The following CDC42BPA variants were observed in gnomAD, a reference collection of about 807,000 sequenced individuals.
CDC42BPA encodes CDC42 binding protein kinase alpha, also known as serine/threonine-protein kinase MRCK alpha.
Under a neutral mutation model 223.5 loss-of-function variants are expected in CDC42BPA, and 80 were observed. That is an observed-to-expected ratio of 0.36 (90% CI 0.30 to 0.43). CDC42BPA has a LOEUF of 0.43. CDC42BPA is among the 20% of genes least tolerant of loss of function. CDC42BPA has a pLI of 1.00. For synonymous variants in CDC42BPA, 694 were observed against 718.6 expected (o/e 0.97, Z 0.55); for missense variants, 1,743 against 2,099.9 (o/e 0.83, Z 3.32).
intron 2 of CDC42BPA, among the ~76,000 whole-genome samples, chr1:227,249,072 T>C (rs1285782211): frequency 6.6e-6 from 1 of 152,188 alleles, no homozygotes; most frequent in East Asian, 1.9e-4. Flanking sequence ...AGCATGGTAC[T>C]GACATAAAAA....
At chr1:227,305,452 C>T (rs1050579148) in intron 1 of CDC42BPA, among the ~76,000 whole-genome samples, 1 of 152,114 alleles carries the variant, frequency 6.6e-6, no homozygotes, top group Non-Finnish European at 1.5e-5. Context: ...GAAACCTCGT[C>T]TTCATTTCTT....
At chr1:227,041,919 C>A (rs1156534033) in intron 23 of CDC42BPA, among the ~76,000 whole-genome samples, 1 of 152,168 alleles carries the variant, frequency 6.6e-6, no homozygotes, top group South Asian at 2.1e-4. Flanking sequence ...ATGCAAATAA[C>A]CACCTTGGAA....
chr1:227,239,012 T>C (rs77208011), intron 2 of CDC42BPA, among the ~76,000 whole-genome samples: 14,257 of 152,126 alleles, frequency 0.094, 841 homozygotes, highest in Middle Eastern at 0.17. Context: ...AAACAATAAA[T>C]GTAGAAAAAA....
At chr1:227,072,412 G>A in intron 19 of CDC42BPA, 113 bp from the exon 20 acceptor site, 1 of 621,698 alleles carries the variant, frequency 1.6e-6, no homozygotes, top group Non-Finnish European at 2.9e-6. Flanking sequence ...GTAAATTAGG[G>A]GACTATAAAT....
chr1:227,054,644 T>A (rs764259884), intron 21 of CDC42BPA, among the ~76,000 whole-genome samples: 1 of 152,178 alleles, frequency 6.6e-6, no homozygotes, highest in Non-Finnish European at 1.5e-5. Flanking sequence ...AACTCTTTTC[T>A]TGAGGCTTTT....
At chr1:227,062,487 G>A (rs925221711) in intron 21 of CDC42BPA, among the ~76,000 whole-genome samples, 2 of 151,980 alleles carry the variant, frequency 1.3e-5, no homozygotes, top group Admixed American at 1.3e-4. Flanking sequence ...TTATATATTT[G>A]TCTTTCCAAT....
At chr1:227,206,311 A>C (rs1672709677) in intron 3 of CDC42BPA, among the ~76,000 whole-genome samples, 2 of 151,904 alleles carry the variant, frequency 1.3e-5, no homozygotes, top group South Asian at 4.2e-4. Context: ...ATTGGTGATA[A>C]ACTAGCAAAG....
chr1:227,293,572 C>T (rs1690081528), intron 1 of CDC42BPA, among the ~76,000 whole-genome samples: 1 of 150,390 alleles, frequency 6.6e-6, no homozygotes, highest in Admixed American at 6.7e-5. Flanking sequence ...CGCCTGTAAT[C>T]CCAGCACTTT....
intron 1 of CDC42BPA, among the ~76,000 whole-genome samples, chr1:227,273,636 A>T (rs989535172): frequency 2.6e-5 from 4 of 152,044 alleles, no homozygotes; most frequent in African/African-American, 9.7e-5. Flanking sequence ...ACTTATAAGG[A>T]AAAGAATGAT....
At chr1:227,220,282 T>TTTTATATATATATA (rs748787987) in intron 2 of CDC42BPA, among the ~76,000 whole-genome samples, 1,465 of 99,450 alleles carry the variant, frequency 0.015, 10 homozygotes, top group African/African-American at 0.016. Context: ...AAAAGTCATG[T>TTTTATATATATATA]TATATATATA....
At chr1:227,022,155 G>A (rs1667499623) in intron 32 of CDC42BPA, among the ~76,000 whole-genome samples, 1 of 152,194 alleles carries the variant, frequency 6.6e-6, no homozygotes. Context: ...ATACTGGCCA[G>A]GCGTGATGGC....
chr1:227,126,524 G>C (rs1689675559), intron 11 of CDC42BPA, among the ~76,000 whole-genome samples: 1 of 97,664 alleles, frequency 1.0e-5, no homozygotes, highest in South Asian at 2.8e-4. Context: ...AGGAAGGTAA[G>C]AAAGGAAAAA....
At chr1:227,276,067 T>A (rs1004963850) in intron 1 of CDC42BPA, among the ~76,000 whole-genome samples, 3 of 151,046 alleles carry the variant, frequency 2.0e-5, no homozygotes, top group African/African-American at 7.3e-5. Context: ...CTGCCCATCG[T>A]CTGGGATGTG....
At chr1:227,059,578 T>C (rs1016429647) in intron 21 of CDC42BPA, among the ~76,000 whole-genome samples, 1 of 152,178 alleles carries the variant, frequency 6.6e-6, no homozygotes, top group African/African-American at 2.4e-5. Context: ...GAGGATAGGA[T>C]GGTAAAGAAA....
At chr1:227,067,404 A>AG (rs1677311689) in intron 21 of CDC42BPA, among the ~76,000 whole-genome samples, 1 of 152,170 alleles carries the variant, frequency 6.6e-6, no homozygotes, top group South Asian at 2.1e-4. Flanking sequence ...GATGGAGAGA[A>AG]GTTTGTTAGA....
intron 21 of CDC42BPA, among the ~76,000 whole-genome samples, chr1:227,059,909 GAAC>G (rs147667374): frequency 0.03 from 4,556 of 151,464 alleles, 199 homozygotes; most frequent in African/African-American, 0.1. Context: ...AAAGTTATTT[GAAC>G]AATACTCCAT....
intron 2 of CDC42BPA, among the ~76,000 whole-genome samples, chr1:227,213,453 G>GT (rs1318242040): frequency 1.3e-5 from 2 of 152,116 alleles, no homozygotes; most frequent in African/African-American, 4.8e-5. Flanking sequence ...TGTGAACGCT[G>GT]TATTAGTTGG....
intron 6 of CDC42BPA, among the ~76,000 whole-genome samples, chr1:227,153,054 C>T (rs1662082170): frequency 6.6e-6 from 1 of 151,616 alleles, no homozygotes; most frequent in South Asian, 2.1e-4. Context: ...AGCAAAGCTA[C>T]AAAAGAGCTG....
At chr1:227,163,034 GTGTTTCCAAACATATGTGTA>G (rs1664318090) in intron 5 of CDC42BPA, among the ~76,000 whole-genome samples, 1 of 137,434 alleles carries the variant, frequency 7.3e-6, no homozygotes, top group East Asian at 2.1e-4. Context: ...CCAAACATAT[GTGTTTCCAAACATATGTGTA>G]TGTTTCCAAA....
Sources: gnomAD v4.1 joint callset for allele counts (sites outside exome capture counted in the v4.1 genomes callset) on GRCh38, gnomAD v4.1.1 for gene constraint, MANE v1.5 for transcripts, NCBI Gene and HGNC (gene_info 2026-07-23, HGNC 2026-07-21) for gene names.